CFAP54: variants seen among roughly 807,000 people sequenced by gnomAD.
The protein encoded by CFAP54 is cilia- and flagella-associated protein 54.
CFAP54 carries 290 observed loss-of-function variants against 370.4 expected under a neutral mutation model. That is an observed-to-expected ratio of 0.78 (90% CI 0.71 to 0.86). CFAP54 has a LOEUF of 0.86. CFAP54 is among the 40% of genes least tolerant of loss of function. CFAP54 has a pLI of 0.00. For missense variants in CFAP54, 3,399 were observed against 3,528.7 expected, an observed-to-expected ratio of 0.96 and a Z score of 0.93; for synonymous variants, 1,206 against 1,236.5, an observed-to-expected ratio of 0.98 and a Z score of 0.52.
chr12:96,779,739 T>TACTTTTGG lies in CFAP54; in HGVS notation c.8282-4977_8282-4970dup, dbSNP rs200180486. On this transcript the variant is annotated intron_variant, in intron 60 of 67. Coordinates refer to ENST00000524981, the MANE Select transcript of CFAP54 (RefSeq NM_001306084.2). Reference sequence around the variant, plus strand: ...GGGCCTTATAAAGACTACAGTGGTTTACTTTTGGTGAACTTTTTAAAAAGA... The same window carrying TACTTTTGG: ...GGGCCTTATAAAGACTACAGTGGTTTACTTTTGGACTTTTGGTGAACTTTTTAAAAAGA... 4.1e-3 allele frequency among the ~76,000 whole-genome samples: 614 copies of TACTTTTGG among 150,246 alleles called. 6 individuals are homozygous for TACTTTTGG. The highest frequency in any genetic ancestry group is 0.014 in the African/African-American group (555 of 40,258).
chr12:96,504,949 C>T (rs956360574), intron 3 of CFAP54, among the ~76,000 whole-genome samples: 8 of 141,392 alleles, frequency 5.7e-5, no homozygotes, highest in African/African-American at 2.0e-4. Flanking sequence ...CTCTTTCTTT[C>T]TTTTTCTTTC....
rs1361433007 is a variant in CFAP54 at position 96,647,864 on chromosome 12, C to G, written c.4548-11C>G. On this transcript the variant is annotated splice_polypyrimidine_tract_variant and intron_variant, in intron 33 of 67. Transcript: ENST00000524981. ...ATATTGTTTTTTAATATGATTTTTCCCCCCTTGCAGTTTCCGATCATGTGA... is the reference window on the plus strand; with the variant it reads ...ATATTGTTTTTTAATATGATTTTTCGCCCCTTGCAGTTTCCGATCATGTGA... 3 of 1,482,488 alleles carry G rather than the reference C, an allele frequency of 2.0e-6. No individual in the cohort carries two copies. Among genetic ancestry groups the G allele is most frequent in the East Asian group, 2.7e-5 (1 of 37,726 alleles). 91.8% of individuals were successfully genotyped at this position (1,482,488 alleles called of 1,614,324 possible). A position where few individuals can be genotyped will look rare whatever the true frequency, so the allele number is the denominator to read the frequency against.
chr12:96,628,685 A>G (rs1956571479), intron 30 of CFAP54, among the ~76,000 whole-genome samples: 1 of 152,216 alleles, frequency 6.6e-6, no homozygotes, highest in Non-Finnish European at 1.5e-5. Flanking sequence ...TAGGATTGTT[A>G]CAGCTGAACC....
chr12:96,790,467 T>G (rs1421591017), intron 62 of CFAP54, among the ~76,000 whole-genome samples: 1 of 152,200 alleles, frequency 6.6e-6, no homozygotes, highest in African/African-American at 2.4e-5. Context: ...ATTTTGATAT[T>G]GACTTATGTT....
chr12:96,688,354 T>G lies in CFAP54; in HGVS notation c.6015-562T>G, dbSNP rs373808452. Among the ~76,000 whole-genome samples, 45 of 152,306 alleles carry G rather than the reference T, an allele frequency of 3.0e-4. No homozygotes were observed. The South Asian group carries it at 8.3e-3, about 28-fold the overall frequency. On this transcript the variant is annotated intron_variant, in intron 42 of 67. Transcript: ENST00000524981. ...TGCTTCAGTCTTTAGGGGGAATTAT[T>G]TAACCGCACTCATCAAAAGCCTTTA...
chr12:96,702,167 G>A (rs1285496866), intron 46 of CFAP54, among the ~76,000 whole-genome samples: 1 of 152,206 alleles, frequency 6.6e-6, no homozygotes, highest in Non-Finnish European at 1.5e-5. Flanking sequence ...TTCAACCTGA[G>A]CAACTGGTAG....
intron 33 of CFAP54, chr12:96,646,514 C>T (rs1025812714): frequency 6.6e-6 from 1 of 152,178 alleles, no homozygotes; most frequent in Non-Finnish European, 1.5e-5. Flanking sequence ...TGTATGTAAA[C>T]TAGTTCAACC....
At position 96,621,549 on chromosome 12, in the gene CFAP54, A is replaced by C. The variant is rs1316469442; in HGVS notation, c.3640-41A>C. 1.5e-5 allele frequency: 20 copies of C among 1,336,150 alleles called. No individual in the cohort carries two copies. In the Admixed American group the frequency reaches 4.6e-4, roughly 31 times the overall value. The allele number at this position is 1,336,150 out of a possible 1,614,324, so 82.8% of individuals were successfully genotyped here. A position where few individuals can be genotyped will look rare whatever the true frequency, so the allele number is the denominator to read the frequency against. ...GATGCATTATACTTGAAAATAGACA[A>C]GAATGTCCAACAGAGATAATTAATA... On this transcript the variant is annotated intron_variant, in intron 26 of 67. Transcript: ENST00000524981.
chr12:96,812,489 C>G (rs779077773), intron 64 of CFAP54, among the ~76,000 whole-genome samples: 2 of 152,132 alleles, frequency 1.3e-5, no homozygotes. Context: ...TTATTTTTGA[C>G]TCCATTGTTC....
At chr12:96,627,608 C>T (rs2136472289) in intron 30 of CFAP54, among the ~76,000 whole-genome samples, 1 of 152,246 alleles carries the variant, frequency 6.6e-6, no homozygotes, top group African/African-American at 2.4e-5. Context: ...CCCTTAAAAA[C>T]ATATAGAAAG....
At chr12:96,722,810 G>T (rs996957383) in intron 50 of CFAP54, among the ~76,000 whole-genome samples, 3 of 152,164 alleles carry the variant, frequency 2.0e-5, no homozygotes, top group Non-Finnish European at 4.4e-5. Context: ...AGTAAATTTT[G>T]AAGGTAGAGC....
intron 39 of CFAP54, 50 bp downstream of exon 39, chr12:96,663,982 G>T: frequency 7.2e-7 from 1 of 1,392,656 alleles, no homozygotes; most frequent in Non-Finnish European, 1.0e-6. Flanking sequence ...ATCGAGGTTT[G>T]CCATTGTGTT....
intron 50 of CFAP54, among the ~76,000 whole-genome samples, chr12:96,729,168 A>G (rs942341035): frequency 6.6e-6 from 1 of 152,148 alleles, no homozygotes; most frequent in South Asian, 2.1e-4. Context: ...CCGTTCTCAG[A>G]TCTCCAGCTG....
chr12:96,665,746 G>A (rs1957073267), intron 39 of CFAP54, among the ~76,000 whole-genome samples: 1 of 152,140 alleles, frequency 6.6e-6, no homozygotes, highest in Non-Finnish European at 1.5e-5. Context: ...TTGAAGTCAG[G>A]TAGTGTGATG....
At position 96,651,775 on chromosome 12, in the gene CFAP54, T is replaced by C. The variant is rs1956860644; in HGVS notation, c.5060T>C (p.Ile1687Thr). 2 of 1,612,046 alleles carry C rather than the reference T, an allele frequency of 1.2e-6. No individual in the cohort carries two copies. The highest frequency in any genetic ancestry group is 1.7e-6 in the Non-Finnish European group (2 of 1,178,118). ...LPFYLGAELL[I>T]DMLIQLQNTS... ...TTCTATTTGGGAGCAGAATTACTTATTGACATGTTAATACAACTACAAAAT... is the reference window on the plus strand; with the variant it reads ...TTCTATTTGGGAGCAGAATTACTTACTGACATGTTAATACAACTACAAAAT... Residue 1687 changes from isoleucine (I) to threonine (T), a missense_variant, in exon 36 of 68, where the codon ATT becomes ACT. Around this residue, in one of 3 missense-constraint regions of CFAP54, gnomAD observed 2,796 missense variants for 2,869.7 expected, o/e 0.97. Coordinates refer to ENST00000524981, the MANE Select transcript of CFAP54 (RefSeq NM_001306084.2).
intron 67 of CFAP54, among the ~76,000 whole-genome samples, chr12:96,874,819 C>G (rs1960264568): frequency 6.6e-6 from 1 of 151,252 alleles, no homozygotes; most frequent in Non-Finnish European, 1.5e-5. Context: ...TTAGTAGAGA[C>G]GGGGTTTCAC....
At chr12:96,522,735 G>T (rs755784318) in intron 8 of CFAP54, among the ~76,000 whole-genome samples, 11 of 152,238 alleles carry the variant, frequency 7.2e-5, no homozygotes, top group Non-Finnish European at 1.6e-4. Context: ...CCTTACAAAA[G>T]CTGCTCAGGG....
At chr12:96,511,935 T>C (rs1162840789) in intron 4 of CFAP54, among the ~76,000 whole-genome samples, 1 of 152,190 alleles carries the variant, frequency 6.6e-6, no homozygotes, top group African/African-American at 2.4e-5. Context: ...TGGGTATGTT[T>C]ATAGATAGAT....
Position 96,743,503 on chromosome 12 carries a change from G to A in CFAP54, c.7321G>A (p.Val2441Ile). ...GCAGGCTGAATTCTTGACGCAAGCT[G>A]TAATTCTTGGCCTACAAGAAAAGCA... ...ELQAEFLTQAVILGLQEKHLK... is the reference protein window; with the variant it reads ...ELQAEFLTQAIILGLQEKHLK... Residue 2441 changes from valine (V) to isoleucine (I), a missense_variant, in exon 53 of 68, where the codon GTA becomes ATA. Transcript: ENST00000524981. The A allele has an allele frequency of 1.9e-6, 3 of 1,614,080 alleles. No individual in the cohort carries two copies. The highest frequency in any genetic ancestry group is 2.5e-6 in the Non-Finnish European group (3 of 1,179,974).
Sources: allele counts gnomAD v4.1 joint callset (sites outside exome capture counted in the v4.1 genomes callset), GRCh38; gene constraint gnomAD v4.1.1; regional missense constraint gnomAD v4.1.1; transcripts MANE v1.5; gene names NCBI Gene and HGNC (gene_info 2026-07-23, HGNC 2026-07-21).